GRHL3: variants seen among roughly 807,000 people sequenced by gnomAD.
GRHL3 encodes grainyhead like transcription factor 3, also known as grainyhead-like protein 3 homolog.
In GRHL3, 20 loss-of-function variants were observed where a neutral mutation model predicts 70.3. The observed-to-expected ratio is 0.28, with a 90% CI of 0.20 to 0.41. The LOEUF is 0.41. GRHL3 is among the 10% of genes least tolerant of loss of function. The probability of loss-of-function intolerance (pLI) is 1.00; values close to 1 mark genes in which losing one functional copy is unlikely to be tolerated. For missense variants in GRHL3, 637 were observed against 762.3 expected (o/e 0.84, Z 1.94); for synonymous variants, 299 against 299.9 (o/e 1.00, Z 0.03).
intron 2 of GRHL3, among the ~76,000 whole-genome samples, chr1:24,333,894 G>T (rs189006456): frequency 6.6e-6 from 1 of 152,294 alleles, no homozygotes; most frequent in Admixed American, 6.5e-5. Flanking sequence ...TTAAAAAAGG[G>T]AGTATTTTTT....
intron 15 of GRHL3, among the ~76,000 whole-genome samples, chr1:24,361,281 G>T (rs1641099554): frequency 6.6e-6 from 1 of 152,166 alleles, no homozygotes; most frequent in Middle Eastern, 3.2e-3. Flanking sequence ...GGATAAATGA[G>T]ATGACGTACC....
chr1:24,349,984 A>C, intron 14 of GRHL3, 74 bp from the exon 15 acceptor site: 1 of 1,157,842 alleles, frequency 8.6e-7, no homozygotes, highest in Non-Finnish European at 1.3e-6. Context: ...GAAGTAAAAA[A>C]AGTGATGGCA....
rs1443905300 is a variant in GRHL3, at chr1:24,321,855, C to T, written c.17+2287C>T. The T allele has an allele frequency of 6.6e-6, 1 of 152,240 alleles. No homozygotes were observed. The highest frequency in any genetic ancestry group is 1.5e-5 in the Non-Finnish European group (1 of 68,124). 9.4% of individuals were successfully genotyped at this position (152,240 alleles called of 1,614,324 possible). ...CTGAGCGCCGGGCCTTTCATGTGGT[C>T]GCAGCGCTCTGGGTGCCTGGAGCCC... is the stretch of plus-strand genomic sequence containing the variant. On this transcript the variant is annotated intron_variant, in intron 1 of 15. Transcript: ENST00000361548. The surrounding 1 kb of genome is among the most constrained non-coding windows in gnomAD (Gnocchi z 4.0).
At chr1:24,324,646 T>C (rs1204266951) in intron 1 of GRHL3, among the ~76,000 whole-genome samples, 1 of 152,224 alleles carries the variant, frequency 6.6e-6, no homozygotes, top group African/African-American at 2.4e-5. Flanking sequence ...AATCCCTCAA[T>C]GAACGGTAGC....
At chr1:24,350,401 G>C (rs1465918477) in intron 15 of GRHL3, among the ~76,000 whole-genome samples, 1 of 152,174 alleles carries the variant, frequency 6.6e-6, no homozygotes, top group Non-Finnish European at 1.5e-5. Context: ...CCAGGTTCAA[G>C]GCCACTGGGA....
downstream of GRHL3, among the ~76,000 whole-genome samples, chr1:24,358,867 C>T (rs58160842): frequency 0.12 from 18,459 of 152,150 alleles, 2,425 homozygotes; most frequent in African/African-American, 0.33. Context: ...ACAAAATTTA[C>T]AAAACTATTT....
intron 1 of GRHL3, among the ~76,000 whole-genome samples, chr1:24,328,902 G>A (rs577287162): frequency 6.6e-6 from 1 of 152,214 alleles, no homozygotes; most frequent in African/African-American, 2.4e-5. Context: ...GATCCAGGGG[G>A]TGGGATCAGT....
rs758581816 is a variant in GRHL3 at position 24,342,651 on chromosome 1, C to T, written c.1207-43C>T. The T allele has an allele frequency of 1.8e-5, 28 of 1,544,394 alleles. No individual in the cohort carries two copies. The highest frequency in any genetic ancestry group is 2.2e-5 in the Non-Finnish European group (25 of 1,117,010). ...AGCAGCAGCTGTGAAAGTAGCTAGCCCCTCCCAGGCCCTTGGTGACCCTCT... is the reference window on the plus strand; with the variant it reads ...AGCAGCAGCTGTGAAAGTAGCTAGCTCCTCCCAGGCCCTTGGTGACCCTCT... On this transcript the variant is annotated intron_variant, in intron 9 of 15. Coordinates refer to ENST00000361548, the MANE Select transcript of GRHL3 (RefSeq NM_198173.3). The surrounding 1 kb of genome is among the most constrained non-coding windows in gnomAD (Gnocchi z 4.8).
At chr1:24,346,696 C>G (rs1640301843) in intron 13 of GRHL3, 55 bp downstream of exon 13, 2 of 1,364,090 alleles carry the variant, frequency 1.5e-6, no homozygotes, top group Non-Finnish European at 2.1e-6. Context: ...TCCCACCTCC[C>G]TCATGGGCTT....
chr1:24,354,579 G>A lies in GRHL3; in HGVS notation c.*91G>A, dbSNP rs1450616679. ...ACACAACCTCTCCACATGCCTCAGC[G>A]CTGTTACTTGAATGCCTTCCCTGAG... On this transcript the variant is annotated 3_prime_UTR_variant, in exon 16 of 16. Transcript: ENST00000361548. The A allele has an allele frequency of 1.0e-5, 8 of 786,106 alleles. No homozygotes were observed. In the East Asian group the frequency reaches 1.1e-4, roughly 10 times the overall value. The allele number at this position is 786,106 out of a possible 1,614,324, so 48.7% of individuals were successfully genotyped here. A position where few individuals can be genotyped will look rare whatever the true frequency, so the allele number is the denominator to read the frequency against.
intron 1 of GRHL3, among the ~76,000 whole-genome samples, chr1:24,330,871 AT>A (rs1360447798): frequency 3.9e-5 from 6 of 152,230 alleles, no homozygotes. Flanking sequence ...AAACTCTACA[AT>A]AAAATTGGCC....
Position 24,355,298 on chromosome 1 carries a change from T to C in GRHL3, c.*810T>C, listed in dbSNP as rs975125303. On this transcript the variant is annotated 3_prime_UTR_variant, in exon 16 of 16. Transcript: ENST00000361548. ...CGTGGTATTTAGTAATAAAAATCTATCTATGTATTACGTCACATTACTTCA... is the reference window on the plus strand; with the variant it reads ...CGTGGTATTTAGTAATAAAAATCTACCTATGTATTACGTCACATTACTTCA... 3.9e-5 allele frequency: 6 copies of C among 152,646 alleles called. No individual in the cohort carries two copies. Among genetic ancestry groups the C allele is most frequent in the Non-Finnish European group, 8.8e-5 (6 of 68,036 alleles). The allele number at this position is 152,646 out of a possible 1,614,324, so 9.5% of individuals were successfully genotyped here.
intron 2 of GRHL3, among the ~76,000 whole-genome samples, chr1:24,333,414 G>A (rs1360384527): frequency 6.6e-6 from 1 of 152,222 alleles, no homozygotes; most frequent in Non-Finnish European, 1.5e-5. Context: ...GTGATTAAGA[G>A]TACAGGCTTT....
intron 15 of GRHL3, among the ~76,000 whole-genome samples, chr1:24,351,862 T>C (rs1272713982): frequency 6.6e-6 from 1 of 152,142 alleles, no homozygotes; most frequent in Non-Finnish European, 1.5e-5. Flanking sequence ...TTGAGCTGGG[T>C]ATCATTATCT....
rs373925317 is a variant in GRHL3 at position 24,343,036 on chromosome 1, G to A, written c.1419+11G>A. ...CAGCGCTCTGGAGGGGTGAGGCCAGGGCTGGGGTCTCGGGAAGGAGCCGAG... is the reference window on the plus strand; with the variant it reads ...CAGCGCTCTGGAGGGGTGAGGCCAGAGCTGGGGTCTCGGGAAGGAGCCGAG... On this transcript the variant is annotated intron_variant, in intron 11 of 15. Coordinates refer to ENST00000361548, the MANE Select transcript of GRHL3 (RefSeq NM_198173.3). 2.5e-5 allele frequency: 40 copies of A among 1,613,888 alleles called. No individual in the cohort carries two copies. The Middle Eastern group carries it at 4.9e-4, about 20-fold the overall frequency.
At chr1:24,326,934 G>T (rs990710519) in intron 1 of GRHL3, among the ~76,000 whole-genome samples, 1 of 152,192 alleles carries the variant, frequency 6.6e-6, no homozygotes, top group Non-Finnish European at 1.5e-5. Context: ...GATAATGGAA[G>T]TTGGGCAAGG....
Position 24,342,321 on chromosome 1 carries a change from G to A in GRHL3, c.1206+48G>A. On this transcript the variant is annotated intron_variant, in intron 9 of 15. Transcript: ENST00000361548. This position sits in a 1 kb window ranked among gnomAD's most constrained non-coding sequence, Gnocchi z 4.8. ...ATACTGGGTCCCGGGGAGGTAGAAGGGCCAAACCCTGACCCGTGCGTCCTC... is the reference window on the plus strand; with the variant it reads ...ATACTGGGTCCCGGGGAGGTAGAAGAGCCAAACCCTGACCCGTGCGTCCTC... 1.3e-6 allele frequency: 2 copies of A among 1,505,934 alleles called. No homozygotes were observed. Among genetic ancestry groups the A allele is most frequent in the Non-Finnish European group, 1.8e-6 (2 of 1,110,710 alleles). 93.3% of individuals were successfully genotyped at this position (1,505,934 alleles called of 1,614,324 possible).
chr1:24,338,384 AG>A (rs1639909401), intron 7 of GRHL3, among the ~76,000 whole-genome samples: 2 of 152,308 alleles, frequency 1.3e-5, no homozygotes, highest in Admixed American at 6.5e-5. Flanking sequence ...AGGCTGATGA[AG>A]ACACAAATGC....
rs186914295 is a variant in GRHL3, at chr1:24,336,564, G to A, written c.349G>A (p.Val117Met). The A allele has an allele frequency of 1.6e-5, 26 of 1,613,554 alleles. No homozygotes were observed. Among genetic ancestry groups the A allele is most frequent in the African/African-American group, 4.0e-5 (3 of 75,008 alleles). The change falls in exon 4 of 16, where the codon GTG becomes ATG. Residue 117 changes from valine (V) to methionine (M), a missense_variant. Val to Met is a conservative substitution (Grantham distance 21, BLOSUM62 1). Coordinates refer to ENST00000361548, the MANE Select transcript of GRHL3 (RefSeq NM_198173.3). ...CCTCATGAAATTCCTGACAGAGAAC[G>A]TGTCTGGAACCCCAGAGTACCCAGA... is the stretch of plus-strand genomic sequence containing the variant. ...THLMKFLTEN[V>M]SGTPEYPDLL...
Sources: allele counts gnomAD v4.1 joint callset (sites outside exome capture counted in the v4.1 genomes callset), GRCh38; gene constraint gnomAD v4.1.1; non-coding constraint Gnocchi (gnomAD v3.1); transcripts MANE v1.5; gene names NCBI Gene and HGNC (gene_info 2026-07-23, HGNC 2026-07-21).